The following TIMP2 variants were observed in gnomAD, a reference collection of about 807,000 sequenced individuals.
TIMP2 encodes the protein metalloproteinase inhibitor 2.
A neutral mutation model predicts 24.3 loss-of-function variants in TIMP2; 5 were observed. The ratio of observed to expected loss-of-function variants is 0.21; its 90% CI spans 0.11 to 0.43. The LOEUF (loss-of-function observed/expected upper bound fraction) is 0.43. Ranked by LOEUF, TIMP2 falls within the 20% of genes least tolerant of loss-of-function variation. The pLI, the probability that TIMP2 is intolerant of heterozygous loss-of-function variation, is 1.00. For missense variants in TIMP2, 221 were observed against 297.5 expected (o/e 0.74, Z 1.89); for synonymous variants, 130 against 123.2 (o/e 1.06, Z -0.37).
chr17:78,885,689 G>A (rs1273856442), intron 1 of TIMP2, among the ~76,000 whole-genome samples: 1 of 152,182 alleles, frequency 6.6e-6, no homozygotes, highest in African/African-American at 2.4e-5. Flanking sequence ...GGGTGTGAGG[G>A]GTGTGAGGGG....
chr17:78,863,114 T>G (rs1285896528), intron 3 of TIMP2, among the ~76,000 whole-genome samples: 10 of 152,252 alleles, frequency 6.6e-5, no homozygotes, highest in Non-Finnish European at 1.5e-4. Context: ...TTCTCAGTTC[T>G]TTGAGAAATC....
At chr17:78,890,796 T>C (rs1191069622) in intron 1 of TIMP2, 4 of 1,550,532 alleles carry the variant, frequency 2.6e-6, no homozygotes, top group African/African-American at 1.4e-5. Context: ...GAAGTGGTGC[T>C]GAGCTCAGAT....
chr17:78,853,713 A>C lies in TIMP2; in HGVS notation c.*1954T>G, dbSNP rs892459880. The C allele has an allele frequency of 5.9e-5, 9 of 152,746 alleles. No individual in the cohort carries two copies. The highest frequency in any genetic ancestry group is 3.4e-3 in the Middle Eastern group (1 of 294). 9.5% of individuals were successfully genotyped at this position (152,746 alleles called of 1,614,324 possible). A position where few individuals can be genotyped will look rare whatever the true frequency, so the allele number is the denominator to read the frequency against. On this transcript the variant is annotated 3_prime_UTR_variant, in exon 5 of 5. Transcript: ENST00000262768. ...CCTTTTTTTAAAAAAGTGCAAGTCT[A>C]ATACCTACCAAGGGTAATAAAAAAC...
chr17:78,910,165 A>G (rs2070194985), intron 1 of TIMP2, among the ~76,000 whole-genome samples: 1 of 151,672 alleles, frequency 6.6e-6, no homozygotes, highest in African/African-American at 2.4e-5. Flanking sequence ...ATCTGAAACT[A>G]TACAATATAC....
intron 2 of TIMP2, 83 bp downstream of exon 2, chr17:78,873,736 C>T (rs2069705166): frequency 8.7e-7 from 1 of 1,153,310 alleles, no homozygotes; most frequent in South Asian, 1.3e-5. Context: ...AGATCGTGTT[C>T]CAGGGACCCA....
intron 1 of TIMP2, among the ~76,000 whole-genome samples, chr17:78,888,155 CT>C (rs5822277): frequency 3.0e-3 from 426 of 141,264 alleles, no homozygotes; most frequent in Middle Eastern, 7.4e-3. Flanking sequence ...CTTTTTGTTT[CT>C]TTTTTTTTTT....
intron 4 of TIMP2, chr17:78,857,163 A>G (rs562704497): frequency 1.8e-5 from 4 of 226,392 alleles, no homozygotes; most frequent in Non-Finnish European, 3.6e-5. Context: ...TAATTTTTGT[A>G]TTTTTGTAGA....
chr17:78,868,018 A>G (rs2069633219), intron 3 of TIMP2, among the ~76,000 whole-genome samples: 1 of 152,198 alleles, frequency 6.6e-6, no homozygotes, highest in South Asian at 2.1e-4. Flanking sequence ...GACCAGAGCC[A>G]AGGATCTCAC....
At chr17:78,889,108 T>C (rs1478177040) in intron 1 of TIMP2, among the ~76,000 whole-genome samples, 1 of 152,214 alleles carries the variant, frequency 6.6e-6, no homozygotes, top group East Asian at 1.9e-4. Flanking sequence ...TGTGGCTGCT[T>C]CTGAGCAGCT....
intron 1 of TIMP2, among the ~76,000 whole-genome samples, chr17:78,921,484 G>A (rs1288354663): frequency 2.0e-5 from 3 of 152,152 alleles, no homozygotes; most frequent in South Asian, 2.1e-4. Context: ...GTCCAGAAAC[G>A]GGCCCAAGCA....
At chr17:78,889,961 T>C (rs748435061) in intron 1 of TIMP2, among the ~76,000 whole-genome samples, 47 of 150,452 alleles carry the variant, frequency 3.1e-4, no homozygotes, top group Non-Finnish European at 5.9e-4. Context: ...CTATTAAAAA[T>C]ACAAAAAATT....
intron 1 of TIMP2, among the ~76,000 whole-genome samples, chr17:78,905,998 AATGTT>A (rs2070155096): frequency 6.6e-6 from 1 of 152,270 alleles, no homozygotes; most frequent in South Asian, 2.1e-4. Context: ...CCCAAATATA[AATGTT>A]ATGTTTACAT....
At chr17:78,921,021 C>T (rs1003234821) in intron 1 of TIMP2, among the ~76,000 whole-genome samples, 1 of 152,226 alleles carries the variant, frequency 6.6e-6, no homozygotes, top group East Asian at 1.9e-4. Context: ...ACATACTTCG[C>T]ACAACGAGTT....
intron 4 of TIMP2, 147 bp from the exon 5 acceptor site, chr17:78,856,011 C>T (rs761548289): frequency 1.7e-4 from 133 of 799,528 alleles, no homozygotes; most frequent in Non-Finnish European, 2.4e-4. Flanking sequence ...ACGGTTCCTG[C>T]AGGGGCAGGC....
intron 1 of TIMP2, among the ~76,000 whole-genome samples, chr17:78,912,306 G>A (rs1416871648): frequency 6.6e-6 from 1 of 152,112 alleles, no homozygotes; most frequent in African/African-American, 2.4e-5. Context: ...CCAGGCCTCC[G>A]CTACCATGAC....
At chr17:78,878,220 G>A (rs1374214756) in intron 1 of TIMP2, among the ~76,000 whole-genome samples, 10 of 152,184 alleles carry the variant, frequency 6.6e-5, no homozygotes, top group Non-Finnish European at 1.5e-4. Context: ...TTTGAAGGAG[G>A]CAGCAAGAGA....
chr17:78,868,895 T>G (rs2069642660), intron 3 of TIMP2, among the ~76,000 whole-genome samples: 1 of 152,062 alleles, frequency 6.6e-6, no homozygotes, highest in African/African-American at 2.4e-5. Flanking sequence ...TGTGGCAATG[T>G]CCAGAGACCC....
chr17:78,898,243 C>T (rs2145779985), intron 1 of TIMP2: 1 of 152,366 alleles, frequency 6.6e-6, no homozygotes, highest in East Asian at 1.9e-4. Context: ...CCTATCCGCA[C>T]AATCTGACAG....
Position 78,854,924 on chromosome 17 carries a change from G to A in TIMP2, c.*743C>T, listed in dbSNP as rs1163053150. On this transcript the variant is annotated 3_prime_UTR_variant, in exon 5 of 5. Coordinates refer to ENST00000262768, the MANE Select transcript of TIMP2 (RefSeq NM_003255.5). Reference sequence around the variant, plus strand: ...TGCAAGCTGGGGAGCATGTGGGCGGGGGGGGGGGGGTGGGGGGGTGGGTGC... The same window carrying A: ...TGCAAGCTGGGGAGCATGTGGGCGGAGGGGGGGGGGTGGGGGGGTGGGTGC... 8.5e-5 allele frequency: 3 copies of A among 35,220 alleles called. No individual in the cohort carries two copies. The highest frequency in any genetic ancestry group is 2.1e-4 in the African/African-American group (2 of 9,368). 2.2% of individuals were successfully genotyped at this position (35,220 alleles called of 1,614,324 possible).
Sources: gnomAD v4.1 joint callset for allele counts (sites outside exome capture counted in the v4.1 genomes callset) on GRCh38, gnomAD v4.1.1 for gene constraint, MANE v1.5 for transcripts, NCBI Gene and HGNC (gene_info 2026-07-23, HGNC 2026-07-21) for gene names.